DNAL1: variants seen among roughly 807,000 people sequenced by gnomAD.
DNAL1 encodes the protein dynein axonemal light chain 1.
In DNAL1, 17 loss-of-function variants were observed where a neutral mutation model predicts 29.4. The ratio of observed to expected loss-of-function variants is 0.58; its 90% confidence interval spans 0.40 to 0.87. The LOEUF is 0.87. DNAL1 is among the 40% of genes least tolerant of loss of function. The pLI is 0.00. For missense variants in DNAL1, 188 were observed against 214.1 expected (o/e 0.88, Z 0.76); for synonymous variants, 78 against 76.3 (o/e 1.02, Z -0.12).
In DNAL1 at chr14:73,684,770, C is replaced by T. The variant is rs968435142; in HGVS notation, c.265-2489C>T. ...TTTAAATTAGCCAAGCATGGTGGCA[C>T]GTGCCTGTTCTAACTACTCAGGGGG... On this transcript the variant is annotated intron_variant, in intron 5 of 7. Transcript: ENST00000553645. Among the ~76,000 whole-genome samples the T allele has an allele frequency of 6.6e-5, 10 of 152,060 alleles. No individual in the cohort carries two copies. In the South Asian group the frequency reaches 1.2e-3, roughly 19 times the overall value.
intron 5 of DNAL1, among the ~76,000 whole-genome samples, chr14:73,677,658 G>A (rs964806903): frequency 2.7e-5 from 4 of 149,844 alleles, no homozygotes; most frequent in Admixed American, 6.7e-5. Flanking sequence ...CCGGGTTCCC[G>A]CCATTCTCCT....
At chr14:73,661,172 AT>A (rs780868452) in intron 3 of DNAL1, among the ~76,000 whole-genome samples, 327 of 146,992 alleles carry the variant, frequency 2.2e-3, no homozygotes, top group African/African-American at 6.6e-3. Flanking sequence ...TAAAAAAAAA[AT>A]ATATATATTG....
chr14:73,694,474 A>G (rs1892252082), intron 7 of DNAL1, among the ~76,000 whole-genome samples: 1 of 151,988 alleles, frequency 6.6e-6, no homozygotes, highest in South Asian at 2.1e-4. Context: ...CTGGCTTCAA[A>G]TGCTAAAGCT....
At chr14:73,692,757 A>G (rs931896655) in intron 7 of DNAL1, among the ~76,000 whole-genome samples, 2 of 152,266 alleles carry the variant, frequency 1.3e-5, no homozygotes, top group African/African-American at 4.8e-5. Context: ...AACCAGTGGG[A>G]TAGACCAGAA....
At chr14:73,648,969 G>A (rs147391992) in intron 1 of DNAL1, among the ~76,000 whole-genome samples, 2,129 of 151,152 alleles carry the variant, frequency 0.014, 33 homozygotes, top group Non-Finnish European at 0.017. Flanking sequence ...ATGTGCTTGA[G>A]ATTTGTTTTT....
chr14:73,684,769 A>G (rs1891973510), intron 5 of DNAL1, among the ~76,000 whole-genome samples: 1 of 152,134 alleles, frequency 6.6e-6, no homozygotes, highest in African/African-American at 2.4e-5. Context: ...GCATGGTGGC[A>G]CGTGCCTGTT....
In DNAL1 at chr14:73,671,687, A is replaced by G. The variant is rs75009322; in HGVS notation, c.264+90A>G. Reference sequence around the variant, plus strand: ...ATAAATTCCTTGAAATGGAATTACTAGGTCAAAAGGTATCAGTTTCTTTTA... The same window carrying G: ...ATAAATTCCTTGAAATGGAATTACTGGGTCAAAAGGTATCAGTTTCTTTTA... On this transcript the variant is annotated intron_variant, in intron 5 of 7. Transcript: ENST00000553645. The G allele has an allele frequency of 0.028, 35,938 of 1,262,040 alleles. 645 individuals carry two copies. The highest frequency in any genetic ancestry group is 0.032 in the Non-Finnish European group (31,281 of 971,308). 78.2% of individuals were successfully genotyped at this position (1,262,040 alleles called of 1,614,324 possible). A position where few individuals can be genotyped will look rare whatever the true frequency, so the allele number is the denominator to read the frequency against.
chr14:73,685,674 C>G (rs1035502480), intron 5 of DNAL1, among the ~76,000 whole-genome samples: 3 of 152,080 alleles, frequency 2.0e-5, no homozygotes, highest in African/African-American at 7.2e-5. Flanking sequence ...GTTGGCCAGG[C>G]TGGTCTCAAA....
intron 1 of DNAL1, among the ~76,000 whole-genome samples, chr14:73,646,463 G>A (rs1890978904): frequency 7.5e-6 from 1 of 133,886 alleles, no homozygotes. Context: ...ATAGAAAAGC[G>A]GCCAGGGTGT....
intron 4 of DNAL1, among the ~76,000 whole-genome samples, chr14:73,667,721 C>T (rs1047556450): frequency 2.0e-5 from 3 of 152,046 alleles, no homozygotes; most frequent in South Asian, 2.1e-4. Flanking sequence ...AGGCTGGTCT[C>T]GAATTGCTGG....
chr14:73,678,431 T>C (rs755096299), intron 5 of DNAL1, among the ~76,000 whole-genome samples: 58 of 151,722 alleles, frequency 3.8e-4, no homozygotes, highest in Non-Finnish European at 7.5e-4. Flanking sequence ...AGCTCACAAG[T>C]AGATGTTATT....
At chr14:73,672,153 G>T (rs1371697620) in intron 5 of DNAL1, among the ~76,000 whole-genome samples, 1 of 152,152 alleles carries the variant, frequency 6.6e-6, no homozygotes, top group African/African-American at 2.4e-5. Context: ...ATCCTGCCCA[G>T]TACAGAAACA....
At chr14:73,684,706 C>G (rs1891971091) in intron 5 of DNAL1, among the ~76,000 whole-genome samples, 1 of 152,042 alleles carries the variant, frequency 6.6e-6, no homozygotes, top group Non-Finnish European at 1.5e-5. Context: ...CCAGCCTAGA[C>G]AACATAGTGA....
intron 6 of DNAL1, among the ~76,000 whole-genome samples, chr14:73,688,790 C>A (rs953218882): frequency 2.0e-5 from 3 of 152,090 alleles, no homozygotes; most frequent in Admixed American, 2.0e-4. Context: ...GTGATTTGTT[C>A]TTTTTGACTT....
chr14:73,665,229 C>T (rs1891450213), intron 4 of DNAL1, among the ~76,000 whole-genome samples: 1 of 152,180 alleles, frequency 6.6e-6, no homozygotes, highest in South Asian at 2.1e-4. Flanking sequence ...AGTTGGCATT[C>T]AGTACTTATA....
chr14:73,650,770 C>A (rs535255147), intron 1 of DNAL1, among the ~76,000 whole-genome samples: 1 of 152,234 alleles, frequency 6.6e-6, no homozygotes, highest in South Asian at 2.1e-4. Context: ...GCCACTGTGC[C>A]TGGCCAGGCA....
chr14:73,655,754 C>T (rs1023792911), intron 2 of DNAL1, among the ~76,000 whole-genome samples: 4 of 151,788 alleles, frequency 2.6e-5, no homozygotes, highest in African/African-American at 4.8e-5. Context: ...GTTTTAGCCT[C>T]GTGGAGGTTA....
At chr14:73,659,020 A>G in intron 3 of DNAL1, 64 bp downstream of exon 3, 1 of 1,134,712 alleles carries the variant, frequency 8.8e-7, no homozygotes, top group Non-Finnish European at 1.2e-6. Flanking sequence ...TTAAACACAC[A>G]AAGTAGGAAA....
intron 6 of DNAL1, among the ~76,000 whole-genome samples, chr14:73,687,660 C>T (rs1027803290): frequency 6.6e-6 from 1 of 152,152 alleles, no homozygotes; most frequent in African/African-American, 2.4e-5. Flanking sequence ...ATCACGAGGT[C>T]AGGAGATCGA....
Sources: allele counts gnomAD v4.1 joint callset (sites outside exome capture counted in the v4.1 genomes callset), GRCh38; gene constraint gnomAD v4.1.1; transcripts MANE v1.5; gene names NCBI Gene and HGNC (gene_info 2026-07-23, HGNC 2026-07-21).